Variants in AGBL1 observed in about 807,000 individuals in gnomAD.
AGBL1 encodes cytosolic carboxypeptidase 4.
In AGBL1, 130 loss-of-function variants were observed where a neutral mutation model predicts 118.9. That is an observed-to-expected ratio of 1.09 (90% CI 0.95 to 1.26). The LOEUF is 1.26. Among genes scored for constraint, AGBL1 ranks in the 50% most tolerant of loss-of-function variants. AGBL1 has a pLI of 0.00. For missense variants in AGBL1, 1,584 were observed against 1,298.1 expected, an observed-to-expected ratio of 1.22 and a Z score of -3.38; for synonymous variants, 555 against 478.9, an observed-to-expected ratio of 1.16 and a Z score of -2.08.
In AGBL1 at chr15:86,478,136, GC is replaced by G. The variant is rs1402944531; in HGVS notation, c.2556-44673del. ...CCACAGCCAATATCATACTGAATGGGCAAAAACTGGAAGCATTCCCTTTGAA... is the reference window on the plus strand; with the variant it reads ...CCACAGCCAATATCATACTGAATGGGAAAAACTGGAAGCATTCCCTTTGAA... On this transcript the variant is annotated intron_variant, in intron 18 of 22. Coordinates refer to ENST00000614907, the MANE Select transcript of AGBL1 (RefSeq NM_001386094.1). Among the ~76,000 whole-genome samples, 3 of 152,242 alleles carry G rather than the reference GC, an allele frequency of 2.0e-5. No individual in the cohort carries two copies. The South Asian group carries it at 6.2e-4, about 32-fold the overall frequency.
At chr15:86,987,737 C>T (rs1484564660) in intron 23 of AGBL1, among the ~76,000 whole-genome samples, 17 of 152,038 alleles carry the variant, frequency 1.1e-4, no homozygotes, top group Admixed American at 1.1e-3. Context: ...CAATGATAGT[C>T]ACTCTTAATT....
At chr15:86,955,774 A>G (rs192064097) in intron 23 of AGBL1, among the ~76,000 whole-genome samples, 3 of 152,040 alleles carry the variant, frequency 2.0e-5, no homozygotes, top group Non-Finnish European at 4.4e-5. Context: ...AATCAACTAG[A>G]CTCGATTTTT....
At chr15:86,151,716 G>C (rs1394268779) in intron 3 of AGBL1, among the ~76,000 whole-genome samples, 1 of 152,170 alleles carries the variant, frequency 6.6e-6, no homozygotes, top group Non-Finnish European at 1.5e-5. Flanking sequence ...TATTCAATTA[G>C]GAAAAGAGGA....
chr15:86,271,453 C>G (rs1161549040), intron 14 of AGBL1, among the ~76,000 whole-genome samples, 166 bp from the exon 15 acceptor site: 1 of 152,134 alleles, frequency 6.6e-6, no homozygotes, highest in African/African-American at 2.4e-5. Flanking sequence ...GATAATCACC[C>G]CATCTCAAGA....
chr15:86,609,223 T>G (rs751298334), intron 21 of AGBL1, among the ~76,000 whole-genome samples: 1 of 151,764 alleles, frequency 6.6e-6, no homozygotes, highest in South Asian at 2.1e-4. Flanking sequence ...TCTTGAGGAG[T>G]ACTAGATCTC....
chr15:86,862,503 T>C (rs985227851), intron 22 of AGBL1, among the ~76,000 whole-genome samples: 1 of 152,170 alleles, frequency 6.6e-6, no homozygotes, highest in Non-Finnish European at 1.5e-5. Flanking sequence ...GCGGATCGCC[T>C]GAGGTCAGGA....
chr15:87,018,526 A>C (rs186947392), intron 24 of AGBL1, among the ~76,000 whole-genome samples: 81 of 152,302 alleles, frequency 5.3e-4, no homozygotes, highest in Middle Eastern at 3.4e-3. Context: ...TCATAAGAAA[A>C]GGAGATATAA....
At chr15:86,971,319 G>A (rs750132727) in intron 23 of AGBL1, among the ~76,000 whole-genome samples, 2 of 151,902 alleles carry the variant, frequency 1.3e-5, no homozygotes, top group Non-Finnish European at 2.9e-5. Context: ...TTTCTATTAA[G>A]AGCTGTATTT....
rs147210121 is a variant in AGBL1 at position 86,692,502 on chromosome 15, C to T, written c.3158+18066C>T. 2.3e-4 allele frequency among the ~76,000 whole-genome samples: 35 copies of T among 152,198 alleles called. No individual in the cohort carries two copies. The East Asian group carries it at 5.0e-3, about 22-fold the overall frequency. ...CACCAGGAACTGCAGCCTTAGGTCA[C>T]GTAGCCACTGCCAAACAATGGCTTC... On this transcript the variant is annotated intron_variant, in intron 22 of 22. Transcript: ENST00000614907.
chr15:86,512,667 A>T (rs1452779414), intron 18 of AGBL1, among the ~76,000 whole-genome samples: 1 of 151,710 alleles, frequency 6.6e-6, no homozygotes, highest in Admixed American at 6.6e-5. Context: ...TATTATTCAT[A>T]TGTTAGATGT....
intron 23 of AGBL1, among the ~76,000 whole-genome samples, chr15:86,941,168 A>G (rs1384495620): frequency 6.6e-6 from 1 of 152,252 alleles, no homozygotes; most frequent in Non-Finnish European, 1.5e-5. Flanking sequence ...GACATTTACA[A>G]GATGAATGGA....
intron 1 of AGBL1, among the ~76,000 whole-genome samples, chr15:86,097,623 C>A (rs1450174151): frequency 6.6e-6 from 1 of 150,660 alleles, no homozygotes; most frequent in Non-Finnish European, 1.5e-5. Context: ...AAAATATAAT[C>A]TCTGGTTCAA....
intron 7 of AGBL1, among the ~76,000 whole-genome samples, chr15:86,249,358 A>G (rs1434184781): frequency 3.3e-5 from 5 of 151,970 alleles, no homozygotes; most frequent in Admixed American, 3.3e-4. Flanking sequence ...TGTTTTTCCA[A>G]CCGTGGTATC....
chr15:86,711,463 T>C (rs965916676), intron 22 of AGBL1, among the ~76,000 whole-genome samples: 1 of 152,248 alleles, frequency 6.6e-6, no homozygotes, highest in Non-Finnish European at 1.5e-5. Flanking sequence ...TTCTTGTTTA[T>C]AGCATTTGTG....
intron 24 of AGBL1, among the ~76,000 whole-genome samples, chr15:87,011,901 A>G (rs541207800): frequency 6.4e-4 from 98 of 152,296 alleles, no homozygotes; most frequent in African/African-American, 2.3e-3. Context: ...CAGAAAATCT[A>G]TAAAGAGTCA....
chr15:86,204,531 C>CT (rs2077959945), intron 5 of AGBL1, among the ~76,000 whole-genome samples: 1 of 147,268 alleles, frequency 6.8e-6, no homozygotes, highest in Non-Finnish European at 1.5e-5. Flanking sequence ...TCCTTCCTTC[C>CT]TTTTTTCTCT....
At chr15:86,608,455 A>T (rs1232136664) in intron 21 of AGBL1, among the ~76,000 whole-genome samples, 2 of 152,160 alleles carry the variant, frequency 1.3e-5, no homozygotes, top group African/African-American at 4.8e-5. Flanking sequence ...TTCTCTGTTG[A>T]TAAGACACTA....
chr15:86,946,880 AAAAG>A (rs2080830070), intron 23 of AGBL1, among the ~76,000 whole-genome samples: 1 of 151,692 alleles, frequency 6.6e-6, no homozygotes, highest in Non-Finnish European at 1.5e-5. Context: ...AAAAGAAAGA[AAAAG>A]AAATACTACA....
chr15:86,566,110 C>T (rs2083909439), intron 21 of AGBL1, among the ~76,000 whole-genome samples: 1 of 92,182 alleles, frequency 1.1e-5, no homozygotes, highest in African/African-American at 5.3e-5. Flanking sequence ...TGCTTTGGCT[C>T]ACCTCGTTGG....
Sources: allele counts gnomAD v4.1 joint callset (sites outside exome capture counted in the v4.1 genomes callset), GRCh38; gene constraint gnomAD v4.1.1; transcripts MANE v1.5; gene names NCBI Gene and HGNC (gene_info 2026-07-23, HGNC 2026-07-21).